HMGN3: variants seen among roughly 807,000 people sequenced by gnomAD.
HMGN3 encodes the protein high mobility group nucleosomal binding domain 3.
A neutral mutation model predicts 18.8 loss-of-function variants in HMGN3; 6 were observed. The observed-to-expected ratio is 0.32, with a 90% CI of 0.18 to 0.63. The LOEUF (loss-of-function observed/expected upper bound fraction) is 0.63, where lower values mean the gene tolerates loss of function less well. Ranked by LOEUF, HMGN3 falls within the 30% of genes least tolerant of loss-of-function variation. The pLI is 0.79. For synonymous variants in HMGN3, 40 were observed against 36.5 expected (o/e 1.10, Z -0.35); for missense variants, 107 against 114.2 (o/e 0.94, Z 0.29).
intron 3 of HMGN3, among the ~76,000 whole-genome samples, chr6:79,207,477 C>T (rs1002415224): frequency 3.3e-5 from 5 of 152,192 alleles, no homozygotes; most frequent in Non-Finnish European, 7.3e-5. Context: ...ACTTGCTCCT[C>T]GTCTTCCACC....
chr6:79,217,286 T>A (rs888192328), intron 1 of HMGN3, among the ~76,000 whole-genome samples: 2 of 152,204 alleles, frequency 1.3e-5, no homozygotes, highest in Admixed American at 1.3e-4. Context: ...CGGGGATCAG[T>A]GTGATACAAT....
intron 1 of HMGN3, among the ~76,000 whole-genome samples, chr6:79,223,235 G>C (rs777693979): frequency 6.6e-6 from 1 of 152,166 alleles, no homozygotes; most frequent in Non-Finnish European, 1.5e-5. Flanking sequence ...CACAAGGCTA[G>C]GTACAGTGGC....
chr6:79,218,719 A>G (rs188353128), intron 1 of HMGN3, among the ~76,000 whole-genome samples: 1 of 152,230 alleles, frequency 6.6e-6, no homozygotes, highest in African/African-American at 2.4e-5. Context: ...GGTAAGAGTT[A>G]TATTTCTTAA....
chr6:79,203,662 GAAA>G (rs67281239), intron 3 of HMGN3, 32 bp from the exon 4 acceptor site: 151 of 1,057,772 alleles, frequency 1.4e-4, no homozygotes, highest in Non-Finnish European at 1.8e-4. Flanking sequence ...CACAAATACT[GAAA>G]AAAAAAAAAA....
intron 1 of HMGN3, 38 bp downstream of exon 1, chr6:79,234,508 T>A: frequency 1.2e-6 from 2 of 1,603,810 alleles, no homozygotes; most frequent in Non-Finnish European, 8.5e-7. Context: ...GTAAGCAGAA[T>A]TTGAAGGCTT....
At chr6:79,212,521 T>C (rs1364648456) in intron 2 of HMGN3, among the ~76,000 whole-genome samples, 1 of 152,254 alleles carries the variant, frequency 6.6e-6, no homozygotes, top group Non-Finnish European at 1.5e-5. Context: ...TGGCGCATTA[T>C]AGGTGCTTAT....
rs1282489489 is a variant in HMGN3 at position 79,203,588 on chromosome 6, A to G, written c.139T>C (p.Ser47Pro). ...GAAACAGCACTTCTTACCTTAGCAG[A>G]TGTTTTTCTTGGTTTGGGTTCAGGT... Residue 47 changes from serine to proline, a missense_variant, in exon 4 of 6, where the codon TCT (serine) becomes CCT (proline). By Grantham distance (74) the Ser-to-Pro change is moderately conservative (BLOSUM62 -1). Coordinates refer to ENST00000344726, the Ensembl canonical transcript of HMGN3. 2.0e-5 allele frequency: 33 copies of G among 1,613,094 alleles called. No homozygotes were observed. Among genetic ancestry groups the G allele is most frequent in the Non-Finnish European group, 2.7e-5 (32 of 1,179,468 alleles).
At chr6:79,223,734 G>A (rs1777419211) in intron 1 of HMGN3, among the ~76,000 whole-genome samples, 1 of 71,348 alleles carries the variant, frequency 1.4e-5, no homozygotes, top group Admixed American at 2.2e-4. Flanking sequence ...TTTCACTAGA[G>A]TTACCTTTTT....
chr6:79,203,287 T>C (rs556144427), intron 4 of HMGN3, among the ~76,000 whole-genome samples: 1 of 152,242 alleles, frequency 6.6e-6, no homozygotes, highest in South Asian at 2.1e-4. Context: ...CCCAAACTCA[T>C]CCCCGCTGTG....
At chr6:79,206,398 C>T (rs1330734570) in intron 3 of HMGN3, among the ~76,000 whole-genome samples, 1 of 152,182 alleles carries the variant, frequency 6.6e-6, no homozygotes, top group Non-Finnish European at 1.5e-5. Context: ...CCCTGTCTCC[C>T]AGCCGCTCCA....
chr6:79,223,465 C>A (rs570588939), intron 1 of HMGN3, among the ~76,000 whole-genome samples: 1 of 152,086 alleles, frequency 6.6e-6, no homozygotes, highest in Non-Finnish European at 1.5e-5. Context: ...GAGCCGAGAT[C>A]GCGCCACTGC....
chr6:79,219,869 T>C (rs1280724424), intron 1 of HMGN3, among the ~76,000 whole-genome samples: 1 of 152,206 alleles, frequency 6.6e-6, no homozygotes, highest in Non-Finnish European at 1.5e-5. Flanking sequence ...GAACATCTAA[T>C]CTGTATTTAG....
intron 1 of HMGN3, among the ~76,000 whole-genome samples, chr6:79,224,903 T>C (rs987692629): frequency 6.6e-6 from 1 of 152,236 alleles, no homozygotes; most frequent in African/African-American, 2.4e-5. Flanking sequence ...ATGTTCCTTG[T>C]ATTTTTGCAA....
chr6:79,202,379 C>T, exon 5 of HMGN3: 8 of 1,613,444 alleles, frequency 5.0e-6, no homozygotes, highest in Non-Finnish European at 6.8e-6. Flanking sequence ...AATCTTTGCT[C>T]CAGGTTCTTT....
chr6:79,206,964 C>G (rs1776452339), intron 3 of HMGN3, among the ~76,000 whole-genome samples: 1 of 152,204 alleles, frequency 6.6e-6, no homozygotes, highest in African/African-American at 2.4e-5. Context: ...GGATTTCGGA[C>G]TTGCATGAGG....
chr6:79,220,404 A>C (rs1008836131), intron 1 of HMGN3, among the ~76,000 whole-genome samples: 3 of 152,220 alleles, frequency 2.0e-5, no homozygotes, highest in Middle Eastern at 3.2e-3. Context: ...TGACAGAGGG[A>C]AGAAACAGAG....
chr6:79,228,994 G>C (rs1407580043), intron 1 of HMGN3, among the ~76,000 whole-genome samples: 1 of 152,216 alleles, frequency 6.6e-6, no homozygotes, highest in Non-Finnish European at 1.5e-5. Context: ...AGTAGAGAAA[G>C]GATGGTCTTT....
chr6:79,234,653 G>T, exon 1 of HMGN3: 1 of 1,291,340 alleles, frequency 7.7e-7, no homozygotes, highest in Non-Finnish European at 1.1e-6. Flanking sequence ...AGCTGCTCAC[G>T]CGCAGGGCAC....
chr6:79,204,340 A>G (rs1465382460), intron 3 of HMGN3, among the ~76,000 whole-genome samples: 1 of 152,132 alleles, frequency 6.6e-6, no homozygotes, highest in African/African-American at 2.4e-5. Context: ...CTAGGAAACT[A>G]TTTTTCTCTT....
Sources: gnomAD v4.1 joint callset for allele counts (sites outside exome capture counted in the v4.1 genomes callset) on GRCh38, gnomAD v4.1.1 for gene constraint, MANE v1.5 for transcripts, NCBI Gene and HGNC (gene_info 2026-07-23, HGNC 2026-07-21) for gene names.